The following ARHGEF3 variants were observed in gnomAD, a reference collection of about 807,000 sequenced individuals.
ARHGEF3 encodes the protein Rho guanine nucleotide exchange factor 3.
A neutral mutation model predicts 63.2 loss-of-function variants in ARHGEF3; 28 were observed. The observed-to-expected ratio is 0.44, with a 90% confidence interval of 0.33 to 0.61. The LOEUF (loss-of-function observed/expected upper bound fraction) is 0.61, where lower values mean the gene tolerates loss of function less well. Among genes scored for constraint, ARHGEF3 ranks in the 20% least tolerant of loss-of-function variants. ARHGEF3 has a pLI of 0.03. For synonymous variants in ARHGEF3, 266 were observed against 254.2 expected, an observed-to-expected ratio of 1.05 and a Z score of -0.44; for missense variants, 533 against 659.3, an observed-to-expected ratio of 0.81 and a Z score of 2.10.
chr3:56,862,181 G>T (rs1240607313), intron 4 of ARHGEF3, among the ~76,000 whole-genome samples: 3 of 151,768 alleles, frequency 2.0e-5, no homozygotes, highest in Non-Finnish European at 4.4e-5. Context: ...GAGTGGGAGG[G>T]GGAGCAGGGT....
At chr3:56,753,467 G>A in intron 4 of ARHGEF3, 37 bp downstream of exon 4, 1 of 1,589,792 alleles carries the variant, frequency 6.3e-7, no homozygotes, top group Non-Finnish European at 8.6e-7. Flanking sequence ...GAAAAAAAAT[G>A]TGACTTGACT....
intron 2 of ARHGEF3, among the ~76,000 whole-genome samples, chr3:57,026,070 G>A (rs879426259): frequency 3.9e-5 from 6 of 152,032 alleles, no homozygotes; most frequent in South Asian, 2.1e-4. Context: ...TCAATAACCT[G>A]TACCTTATGA....
At chr3:56,925,225 C>G (rs576029764) in intron 3 of ARHGEF3, among the ~76,000 whole-genome samples, 1 of 152,344 alleles carries the variant, frequency 6.6e-6, no homozygotes, top group East Asian at 1.9e-4. Flanking sequence ...ATTGGTGGTG[C>G]AAGCCATGGC....
chr3:56,873,534 C>T (rs1013449848), intron 4 of ARHGEF3, among the ~76,000 whole-genome samples: 4 of 152,050 alleles, frequency 2.6e-5, no homozygotes, highest in Non-Finnish European at 5.9e-5. Flanking sequence ...TGGCCCCATC[C>T]ATGTCCCTGC....
At chr3:57,053,352 A>G (rs998431487) in intron 1 of ARHGEF3, among the ~76,000 whole-genome samples, 7 of 152,016 alleles carry the variant, frequency 4.6e-5, no homozygotes, top group Non-Finnish European at 2.9e-5. Flanking sequence ...GAGGAGCTCC[A>G]TGGCAGGAAA....
intron 9 of ARHGEF3, 35 bp downstream of exon 9, chr3:56,732,203 A>G: frequency 1.2e-6 from 2 of 1,611,674 alleles, no homozygotes; most frequent in Non-Finnish European, 1.7e-6. Flanking sequence ...ACGGCCAAAA[A>G]CATTCAACAG....
chr3:56,887,851 C>T (rs762992662), intron 3 of ARHGEF3, among the ~76,000 whole-genome samples: 1 of 152,188 alleles, frequency 6.6e-6, no homozygotes, highest in Non-Finnish European at 1.5e-5. Flanking sequence ...CCCCTCAGTG[C>T]CCTGTGCTGA....
At chr3:56,853,548 G>T (rs1307427305) in intron 4 of ARHGEF3, among the ~76,000 whole-genome samples, 1 of 152,106 alleles carries the variant, frequency 6.6e-6, no homozygotes, top group African/African-American at 2.4e-5. Context: ...TATTGGCCAG[G>T]CTGGTCTCGA....
intron 2 of ARHGEF3, among the ~76,000 whole-genome samples, chr3:57,029,931 T>C (rs1035116576): frequency 6.6e-6 from 1 of 152,070 alleles, no homozygotes; most frequent in East Asian, 1.9e-4. Context: ...AAACAGCCTT[T>C]TGGACAGTGA....
At chr3:57,048,827 C>T (rs759893026) in intron 1 of ARHGEF3, among the ~76,000 whole-genome samples, 13 of 152,186 alleles carry the variant, frequency 8.5e-5, no homozygotes, top group South Asian at 2.1e-4. Flanking sequence ...ACAGCCATTG[C>T]CACTACCCAG....
At chr3:56,877,620 G>A (rs1394280057) in intron 4 of ARHGEF3, among the ~76,000 whole-genome samples, 3 of 151,886 alleles carry the variant, frequency 2.0e-5, no homozygotes, top group African/African-American at 4.8e-5. Flanking sequence ...TGATCCTCTC[G>A]CCTCGGCCTC....
chr3:57,069,755 C>T (rs2107392408), intron 1 of ARHGEF3, among the ~76,000 whole-genome samples: 1 of 152,298 alleles, frequency 6.6e-6, no homozygotes, highest in South Asian at 2.1e-4. Context: ...AGCTATCCTC[C>T]CACCTTAGCC....
chr3:56,782,273 C>A (rs1233772050), intron 1 of ARHGEF3, among the ~76,000 whole-genome samples: 2 of 152,176 alleles, frequency 1.3e-5, no homozygotes, highest in African/African-American at 4.8e-5. Flanking sequence ...GGAAACCTGA[C>A]TTCATTGATT....
At chr3:57,063,004 A>G (rs1185317958) in intron 1 of ARHGEF3, among the ~76,000 whole-genome samples, 1 of 152,188 alleles carries the variant, frequency 6.6e-6, no homozygotes, top group Non-Finnish European at 1.5e-5. Context: ...GGATAACGAT[A>G]GTGTAAGGAG....
At chr3:56,754,891 T>G in intron 3 of ARHGEF3, 90 bp downstream of exon 3, 1 of 1,535,574 alleles carries the variant, frequency 6.5e-7, no homozygotes, top group Non-Finnish European at 8.9e-7. Context: ...AGAATTGATT[T>G]GGAGACTAAG....
intron 1 of ARHGEF3, among the ~76,000 whole-genome samples, chr3:57,051,240 A>T (rs1704655198): frequency 6.6e-6 from 1 of 152,190 alleles, no homozygotes; most frequent in Admixed American, 6.6e-5. Flanking sequence ...TTATTTAAAA[A>T]AGTGTGGTTT....
intron 1 of ARHGEF3, among the ~76,000 whole-genome samples, chr3:57,042,403 C>T (rs1326820568): frequency 6.6e-6 from 1 of 151,784 alleles, no homozygotes; most frequent in Non-Finnish European, 1.5e-5. Context: ...AAAAGAAAAA[C>T]CCCACATACT....
chr3:56,946,213 C>CA (rs1699489109), intron 3 of ARHGEF3, among the ~76,000 whole-genome samples: 1 of 152,174 alleles, frequency 6.6e-6, no homozygotes, highest in African/African-American at 2.4e-5. Flanking sequence ...CTCTAAAAAT[C>CA]AGAGTGCCTC....
chr3:56,948,019 T>C (rs1021870081), intron 3 of ARHGEF3, among the ~76,000 whole-genome samples: 2 of 152,188 alleles, frequency 1.3e-5, no homozygotes, highest in African/African-American at 4.8e-5. Flanking sequence ...AACCTGCTCC[T>C]GAATGACTAC....
Sources: gnomAD v4.1 joint callset for allele counts (sites outside exome capture counted in the v4.1 genomes callset) on GRCh38, gnomAD v4.1.1 for gene constraint, MANE v1.5 for transcripts, NCBI Gene and HGNC (gene_info 2026-07-23, HGNC 2026-07-21) for gene names.